The following KALRN variants were observed in gnomAD, a reference collection of about 807,000 sequenced individuals.
KALRN encodes kalirin.
In KALRN, 70 loss-of-function variants were observed where a neutral mutation model predicts 353.7. The observed-to-expected ratio is 0.20, with a 90% CI of 0.16 to 0.24. The LOEUF (loss-of-function observed/expected upper bound fraction) is 0.24. KALRN is among the 10% of genes least tolerant of loss of function. The probability of loss-of-function intolerance (pLI) is 1.00; values close to 1 mark genes in which losing one functional copy is unlikely to be tolerated. For synonymous variants in KALRN, 1,391 were observed against 1,434.8 expected, an observed-to-expected ratio of 0.97 and a Z score of 0.69; for missense variants, 2,791 against 3,756.7, an observed-to-expected ratio of 0.74 and a Z score of 6.72.
chr3:124,413,796 C>A, intron 14 of KALRN, 131 bp downstream of exon 14: 1 of 804,050 alleles, frequency 1.2e-6, no homozygotes, highest in Non-Finnish European at 1.9e-6. Flanking sequence ...GATTTTTACC[C>A]ACATTTTTTT....
At chr3:124,062,230 A>C (rs959115475) in intron 1 of KALRN, among the ~76,000 whole-genome samples, 1 of 152,188 alleles carries the variant, frequency 6.6e-6, no homozygotes, top group Non-Finnish European at 1.5e-5. Flanking sequence ...TAGGCACTTA[A>C]ACTCCTTTGA....
intron 34 of KALRN, among the ~76,000 whole-genome samples, chr3:124,587,751 G>T (rs1314234637): frequency 7.4e-6 from 1 of 135,058 alleles, no homozygotes; most frequent in South Asian, 2.3e-4. Flanking sequence ...TGTTGCCCAG[G>T]CTGGAGTGTA....
chr3:124,706,950 C>T (rs2062648181), intron 57 of KALRN, among the ~76,000 whole-genome samples: 1 of 152,154 alleles, frequency 6.6e-6, no homozygotes, highest in Non-Finnish European at 1.5e-5. Flanking sequence ...CCACTGTAGC[C>T]TTTATCTCCC....
intron 57 of KALRN, among the ~76,000 whole-genome samples, chr3:124,711,248 CT>C (rs1373119865): frequency 6.6e-6 from 1 of 152,084 alleles, no homozygotes; most frequent in Non-Finnish European, 1.5e-5. Context: ...TCTCAAACTC[CT>C]GGGCTCAAGC....
At chr3:124,317,241 G>A (rs1167313623) in intron 6 of KALRN, among the ~76,000 whole-genome samples, 3 of 152,224 alleles carry the variant, frequency 2.0e-5, no homozygotes, top group Non-Finnish European at 2.9e-5. Flanking sequence ...GGAGAGGGAA[G>A]TGCCCCAGCT....
intron 33 of KALRN, among the ~76,000 whole-genome samples, chr3:124,533,726 A>G (rs1035390456): frequency 6.6e-6 from 1 of 152,192 alleles, no homozygotes; most frequent in Non-Finnish European, 1.5e-5. Flanking sequence ...GGAGAGGTGC[A>G]AGCACATTAA....
intron 1 of KALRN, among the ~76,000 whole-genome samples, chr3:124,176,531 G>C (rs992174689): frequency 1.3e-5 from 2 of 152,124 alleles, no homozygotes; most frequent in African/African-American, 2.4e-5. Flanking sequence ...GCAGCTGCTC[G>C]TGCCAAAAGT....
intron 34 of KALRN, among the ~76,000 whole-genome samples, chr3:124,595,637 C>G (rs1345193439): frequency 1.3e-5 from 2 of 152,044 alleles, no homozygotes; most frequent in African/African-American, 2.4e-5. Context: ...TGAAATAGTT[C>G]CAGAATCAAA....
intron 10 of KALRN, among the ~76,000 whole-genome samples, chr3:124,365,671 T>C (rs2084594453): frequency 6.6e-6 from 1 of 152,240 alleles, no homozygotes; most frequent in African/African-American, 2.4e-5. Context: ...CATGTTTGTG[T>C]TGCTAATTCT....
At chr3:124,555,330 C>T (rs1193523827) in intron 33 of KALRN, among the ~76,000 whole-genome samples, 1 of 151,926 alleles carries the variant, frequency 6.6e-6, no homozygotes, top group Non-Finnish European at 1.5e-5. Context: ...AGGAGAATGG[C>T]GTGCACCCGG....
At chr3:124,572,321 T>A (rs1244481726) in intron 34 of KALRN, among the ~76,000 whole-genome samples, 1 of 131,094 alleles carries the variant, frequency 7.6e-6, no homozygotes, top group African/African-American at 3.0e-5. Context: ...CAAGACCCCA[T>A]CTCAAAAAAA....
intron 34 of KALRN, among the ~76,000 whole-genome samples, chr3:124,594,053 C>T (rs2076050132): frequency 6.6e-6 from 1 of 152,110 alleles, no homozygotes; most frequent in Non-Finnish European, 1.5e-5. Context: ...CTTAGGCAAA[C>T]AAAAAGACCA....
intron 40 of KALRN, 87 bp from the exon 41 acceptor site, chr3:124,657,647 G>C: frequency 7.4e-7 from 1 of 1,359,788 alleles, no homozygotes; most frequent in Admixed American, 1.7e-5. Context: ...GCTTAGGGGA[G>C]AGTCTTCTGT....
chr3:124,191,728 G>T (rs969067942), intron 1 of KALRN, among the ~76,000 whole-genome samples: 1 of 152,068 alleles, frequency 6.6e-6, no homozygotes, highest in Non-Finnish European at 1.5e-5. Flanking sequence ...GTAGTCTCAG[G>T]GTAGCCAGAC....
At chr3:124,044,688 A>T (rs533001613) in intron 1 of KALRN, among the ~76,000 whole-genome samples, 1 of 152,128 alleles carries the variant, frequency 6.6e-6, no homozygotes. Context: ...GTGAATAGTA[A>T]TGTAAATAGG....
chr3:124,040,306 G>T (rs149357599), intron 1 of KALRN, among the ~76,000 whole-genome samples: 1 of 152,162 alleles, frequency 6.6e-6, no homozygotes, highest in Non-Finnish European at 1.5e-5. Context: ...ACTTTTCAAA[G>T]TTTTCTCTGG....
intron 27 of KALRN, among the ~76,000 whole-genome samples, chr3:124,478,684 G>A (rs895934531): frequency 2.6e-5 from 4 of 152,242 alleles, no homozygotes; most frequent in Non-Finnish European, 5.9e-5. Flanking sequence ...TTACCTCTGA[G>A]TGAGAATCTT....
chr3:124,141,259 C>T (rs1338468814), intron 1 of KALRN, among the ~76,000 whole-genome samples: 1 of 152,208 alleles, frequency 6.6e-6, no homozygotes, highest in Non-Finnish European at 1.5e-5. Flanking sequence ...TGTCTTTCCT[C>T]ACTGGAACAG....
intron 1 of KALRN, among the ~76,000 whole-genome samples, chr3:124,156,267 A>G (rs536496406): frequency 6.6e-6 from 1 of 152,230 alleles, no homozygotes. Context: ...AACATTGTTC[A>G]GCAAACAAAC....
Sources: allele counts gnomAD v4.1 joint callset (sites outside exome capture counted in the v4.1 genomes callset), GRCh38; gene constraint gnomAD v4.1.1; transcripts MANE v1.5; gene names NCBI Gene and HGNC (gene_info 2026-07-23, HGNC 2026-07-21).